Variants in PDE4B observed in about 807,000 individuals in gnomAD.
The protein encoded by PDE4B is phosphodiesterase 4B.
A neutral mutation model predicts 82.2 loss-of-function variants in PDE4B; 20 were observed. The observed-to-expected ratio is 0.24, with a 90% confidence interval of 0.17 to 0.35. PDE4B has a LOEUF of 0.35. Among genes scored for constraint, PDE4B ranks in the 10% least tolerant of loss-of-function variants. The pLI is 1.00. For missense variants in PDE4B, 655 were observed against 907.2 expected (o/e 0.72, Z 3.57); for synonymous variants, 320 against 318.9 (o/e 1.00, Z -0.04).
At chr1:66,009,561 T>C (rs959473700) in intron 3 of PDE4B, among the ~76,000 whole-genome samples, 1 of 152,156 alleles carries the variant, frequency 6.6e-6, no homozygotes, top group Non-Finnish European at 1.5e-5. Context: ...CTATTACTTC[T>C]CCAACTCCTT....
intron 3 of PDE4B, among the ~76,000 whole-genome samples, chr1:66,149,152 G>T (rs1326592631): frequency 1.3e-5 from 2 of 152,116 alleles, no homozygotes; most frequent in African/African-American, 4.8e-5. Context: ...GTTTGCCTTT[G>T]TTATTTTAGC....
intron 8 of PDE4B, among the ~76,000 whole-genome samples, chr1:66,342,779 C>CA (rs1661099148): frequency 6.6e-6 from 1 of 151,072 alleles, no homozygotes; most frequent in Non-Finnish European, 1.5e-5. Flanking sequence ...GCCAGTGGCT[C>CA]ACGCCTGTAA....
chr1:66,035,653 C>T (rs143992060), intron 3 of PDE4B, among the ~76,000 whole-genome samples: 51 of 152,156 alleles, frequency 3.4e-4, no homozygotes, highest in African/African-American at 1.2e-3. Flanking sequence ...TTGCAAATGA[C>T]AGAATTTCCT....
intron 3 of PDE4B, among the ~76,000 whole-genome samples, chr1:66,133,077 A>C (rs1285904545): frequency 6.6e-6 from 1 of 152,160 alleles, no homozygotes; most frequent in Non-Finnish European, 1.5e-5. Flanking sequence ...ATCTCCTCCA[A>C]TGTTGCATTT....
chr1:66,185,259 G>T (rs903548918), intron 3 of PDE4B, among the ~76,000 whole-genome samples: 5 of 152,142 alleles, frequency 3.3e-5, no homozygotes, highest in African/African-American at 1.2e-4. Flanking sequence ...ATTTGGGTTG[G>T]TTCCAAATCT....
chr1:66,130,226 C>T (rs1325651116), intron 3 of PDE4B, among the ~76,000 whole-genome samples: 2 of 152,176 alleles, frequency 1.3e-5, no homozygotes, highest in African/African-American at 4.8e-5. Context: ...AAAAGTTTAG[C>T]TTGGGCAATT....
chr1:66,193,297 G>A (rs1219440181), intron 3 of PDE4B, among the ~76,000 whole-genome samples: 1 of 152,144 alleles, frequency 6.6e-6, no homozygotes, highest in African/African-American at 2.4e-5. Flanking sequence ...TGTTCAGGGA[G>A]CCAAAATACT....
intron 7 of PDE4B, among the ~76,000 whole-genome samples, chr1:66,329,421 T>G (rs72926338): frequency 0.032 from 4,895 of 152,178 alleles, 172 homozygotes; most frequent in African/African-American, 0.075. Flanking sequence ...GGAAAAAACT[T>G]TATATTTTAG....
chr1:66,272,217 A>G (rs564990787), intron 7 of PDE4B, among the ~76,000 whole-genome samples: 3 of 152,266 alleles, frequency 2.0e-5, no homozygotes, highest in Non-Finnish European at 4.4e-5. Flanking sequence ...GGCATTCTTG[A>G]CAGCTCTATT....
intron 3 of PDE4B, among the ~76,000 whole-genome samples, chr1:66,114,752 C>T (rs1010788111): frequency 2.0e-5 from 3 of 150,354 alleles, no homozygotes; most frequent in Non-Finnish European, 3.0e-5. Flanking sequence ...TCTCCTGCCT[C>T]AGCCTCCCGG....
intron 3 of PDE4B, among the ~76,000 whole-genome samples, chr1:66,207,182 C>T (rs959753838): frequency 2.5e-4 from 38 of 152,248 alleles, no homozygotes; most frequent in African/African-American, 8.7e-4. Flanking sequence ...TCCAGAGTAA[C>T]TTGTTTATAC....
intron 1 of PDE4B, among the ~76,000 whole-genome samples, chr1:65,886,716 AT>A (rs1407683931): frequency 6.6e-6 from 1 of 152,104 alleles, no homozygotes; most frequent in Non-Finnish European, 1.5e-5. Context: ...ACATTATTTC[AT>A]TTTTATGGCT....
intron 3 of PDE4B, among the ~76,000 whole-genome samples, chr1:66,209,863 C>CT (rs1413705058): frequency 6.6e-6 from 1 of 152,086 alleles, no homozygotes; most frequent in Admixed American, 6.6e-5. Flanking sequence ...ATAGTTCATT[C>CT]TTTTTTATTA....
At chr1:66,347,161 G>C (rs573125683) in intron 8 of PDE4B, among the ~76,000 whole-genome samples, 1 of 152,242 alleles carries the variant, frequency 6.6e-6, no homozygotes, top group East Asian at 1.9e-4. Context: ...AGTAGAAGCT[G>C]CCTCTATAAA....
intron 7 of PDE4B, among the ~76,000 whole-genome samples, chr1:66,272,779 C>CTTTT (rs869201227): frequency 0.012 from 753 of 61,642 alleles, 27 homozygotes; most frequent in African/African-American, 0.015. Context: ...TACTAGAATT[C>CTTTT]TTTTTTTTTT....
At chr1:66,270,557 G>A (rs1655397596) in intron 7 of PDE4B, among the ~76,000 whole-genome samples, 1 of 152,190 alleles carries the variant, frequency 6.6e-6, no homozygotes, top group African/African-American at 2.4e-5. Context: ...ATGTGCATGG[G>A]TAAAGGGCTC....
intron 3 of PDE4B, among the ~76,000 whole-genome samples, chr1:66,049,295 A>C (rs896791532): frequency 2.0e-5 from 3 of 152,072 alleles, no homozygotes; most frequent in African/African-American, 7.2e-5. Context: ...CAATCTCTGA[A>C]TGTTACAACT....
At chr1:66,080,482 A>G in intron 3 of PDE4B, among the ~76,000 whole-genome samples, 1 of 152,158 alleles carries the variant, frequency 6.6e-6, no homozygotes, top group Non-Finnish European at 1.5e-5. Context: ...AATTCAAAAC[A>G]TAATTATTGA....
chr1:66,061,649 CT>C (rs1276205152), intron 3 of PDE4B, among the ~76,000 whole-genome samples: 2 of 152,080 alleles, frequency 1.3e-5, no homozygotes, highest in Non-Finnish European at 2.9e-5. Flanking sequence ...TTTATTTAAA[CT>C]GATATACCAA....
Sources: gnomAD v4.1 joint callset for allele counts (sites outside exome capture counted in the v4.1 genomes callset) on GRCh38, gnomAD v4.1.1 for gene constraint, MANE v1.5 for transcripts, NCBI Gene and HGNC (gene_info 2026-07-23, HGNC 2026-07-21) for gene names.